The following SEZ6L variants were observed in gnomAD, a reference collection of about 807,000 sequenced individuals.
SEZ6L encodes seizure 6-like protein.
A neutral mutation model predicts 106.2 loss-of-function variants in SEZ6L; 37 were observed. The ratio of observed to expected loss-of-function variants is 0.35; its 90% confidence interval spans 0.27 to 0.46. SEZ6L has a LOEUF of 0.46. Ranked by LOEUF, SEZ6L falls within the 20% of genes least tolerant of loss-of-function variation. The pLI, the probability that SEZ6L is intolerant of heterozygous loss-of-function variation, is 1.00. For missense variants in SEZ6L, 1,172 were observed against 1,332.8 expected (o/e 0.88, Z 1.88); for synonymous variants, 541 against 570.4 (o/e 0.95, Z 0.73).
intron 10 of SEZ6L, among the ~76,000 whole-genome samples, chr22:26,342,861 C>T (rs999834475): frequency 6.6e-6 from 1 of 152,156 alleles, no homozygotes; most frequent in Non-Finnish European, 1.5e-5. Context: ...AAACAAGCTA[C>T]CCCCTTGACC....
In SEZ6L at chr22:26,292,680, G is replaced by A; in HGVS notation, c.369G>A (p.Lys123=). Residue 123 remains lysine (K), a synonymous_variant, in exon 2 of 17, where the codon AAG becomes AAA. Transcript: ENST00000248933. ...CCAAGAAGAAACTGCCTTCGCTCAA[G>A]CAGGTGAACTCTGCCAGGAAGCAGC... ...LPPKKKLPSL[K]QVNSARKQLR... The A allele has an allele frequency of 1.2e-6, 2 of 1,613,520 alleles. No homozygotes were observed. Among genetic ancestry groups the A allele is most frequent in the South Asian group, 2.2e-5 (2 of 91,048 alleles).
At chr22:26,371,516 C>T (rs1430687649) in intron 13 of SEZ6L, among the ~76,000 whole-genome samples, 3 of 151,860 alleles carry the variant, frequency 2.0e-5, no homozygotes, top group African/African-American at 7.3e-5. Context: ...ACCTGTAATC[C>T]CAGCTACTTG....
chr22:26,189,444 C>A (rs1448157194), intron 1 of SEZ6L, among the ~76,000 whole-genome samples: 3 of 152,152 alleles, frequency 2.0e-5, no homozygotes, highest in African/African-American at 7.2e-5. Flanking sequence ...GTCAATCCTC[C>A]CCTCTGTATC....
At chr22:26,337,416 G>A (rs936146086) in intron 9 of SEZ6L, among the ~76,000 whole-genome samples, 12 of 152,282 alleles carry the variant, frequency 7.9e-5, no homozygotes, top group African/African-American at 1.2e-4. Flanking sequence ...CTGTGAAGTC[G>A]GCTTAAGGAA....
rs563612999 is a variant in SEZ6L at position 26,329,466 on chromosome 22, T to G, written c.2016-10970T>G. Among the ~76,000 whole-genome samples the G allele has an allele frequency of 2.0e-5, 3 of 151,756 alleles. No homozygotes were observed. The South Asian group carries it at 6.3e-4, about 32-fold the overall frequency. The stretch of plus-strand genomic sequence containing the variant: ...CTGGATGACAGAGTGAAACACCATC[T>G]TTAAAAAAAAAGAAAAAGAAAACTC... On this transcript the variant is annotated intron_variant, in intron 9 of 16. Coordinates refer to ENST00000248933, the MANE Select transcript of SEZ6L (RefSeq NM_021115.5).
At chr22:26,243,790 A>T (rs748395904) in intron 1 of SEZ6L, among the ~76,000 whole-genome samples, 1 of 152,182 alleles carries the variant, frequency 6.6e-6, no homozygotes, top group Non-Finnish European at 1.5e-5. Flanking sequence ...CTGGTCTGGT[A>T]ATTTTATTTA....
At chr22:26,357,012 C>T (rs1351862802) in intron 12 of SEZ6L, among the ~76,000 whole-genome samples, 4 of 150,518 alleles carry the variant, frequency 2.7e-5, no homozygotes, top group Non-Finnish European at 4.4e-5. Flanking sequence ...TGTGCAGTGG[C>T]GCAATCTTAG....
chr22:26,249,834 T>C (rs2079507886), intron 1 of SEZ6L, among the ~76,000 whole-genome samples: 1 of 152,218 alleles, frequency 6.6e-6, no homozygotes, highest in African/African-American at 2.4e-5. Context: ...CTCGCCAGCA[T>C]GTTATTTTTT....
At chr22:26,271,602 T>C (rs1410636201) in intron 1 of SEZ6L, among the ~76,000 whole-genome samples, 2 of 152,196 alleles carry the variant, frequency 1.3e-5, no homozygotes, top group Non-Finnish European at 2.9e-5. Flanking sequence ...CTGTGAGATC[T>C]GGTTGTTTAC....
At chr22:26,292,149 G>GA (rs1569447430) in intron 1 of SEZ6L, 9 of 394,304 alleles carry the variant, frequency 2.3e-5, no homozygotes, top group African/African-American at 1.4e-4. Context: ...AGAAAGAAAG[G>GA]AAGGAAGGAA....
Position 26,229,472 on chromosome 22 carries a change from G to C in SEZ6L, c.94+59709G>C, listed in dbSNP as rs9620593. Among the ~76,000 whole-genome samples, 738 of 152,254 alleles carry C rather than the reference G, an allele frequency of 4.8e-3. 6 individuals carry two copies. The highest frequency in any genetic ancestry group is 0.017 in the African/African-American group (705 of 41,526). On this transcript the variant is annotated intron_variant, in intron 1 of 16. Coordinates refer to ENST00000248933, the MANE Select transcript of SEZ6L (RefSeq NM_021115.5). ...AATTAATATGCATAACAATCTCTCA[G>C]GCTGCGTATTAGAAGACTCTCAGAC...
intron 9 of SEZ6L, among the ~76,000 whole-genome samples, chr22:26,325,764 G>A (rs1001303124): frequency 1.4e-4 from 8 of 55,698 alleles, no homozygotes; most frequent in African/African-American, 5.4e-4. Flanking sequence ...CCATCTCTTC[G>A]AGTTCTGAGA....
intron 9 of SEZ6L, among the ~76,000 whole-genome samples, chr22:26,322,777 C>T (rs1601498257): frequency 6.6e-6 from 1 of 152,130 alleles, no homozygotes; most frequent in African/African-American, 2.4e-5. Flanking sequence ...CAGGCTAAAC[C>T]TTCTTCACAC....
chr22:26,264,064 A>G lies in SEZ6L; in HGVS notation c.95-28342A>G, dbSNP rs190974614. Among the ~76,000 whole-genome samples, 3 of 152,344 alleles carry G rather than the reference A, an allele frequency of 2.0e-5. No homozygotes were observed. The East Asian group carries it at 5.8e-4, about 29-fold the overall frequency. On this transcript the variant is annotated intron_variant, in intron 1 of 16. Transcript: ENST00000248933. ...TGACAGAGCATCTAAATCCTGCAAC[A>G]TGGACAGCTAAGATTATCGTTGGCC...
At chr22:26,203,118 T>A (rs373816977) in intron 1 of SEZ6L, among the ~76,000 whole-genome samples, 1 of 152,232 alleles carries the variant, frequency 6.6e-6, no homozygotes, top group East Asian at 1.9e-4. Flanking sequence ...TTGTGTTTCA[T>A]TCATGAATCA....
intron 1 of SEZ6L, among the ~76,000 whole-genome samples, chr22:26,266,765 G>C (rs1047645466): frequency 6.6e-6 from 1 of 151,918 alleles, no homozygotes; most frequent in Non-Finnish European, 1.5e-5. Flanking sequence ...GGTCAGTTCT[G>C]TTTCTATTGT....
intron 1 of SEZ6L, among the ~76,000 whole-genome samples, chr22:26,179,418 C>T (rs1939237359): frequency 1.3e-5 from 2 of 152,146 alleles, no homozygotes; most frequent in African/African-American, 4.8e-5. Context: ...AGAGACACAC[C>T]TTACCCCTTT....
At position 26,380,567 on chromosome 22, in the gene SEZ6L, G is replaced by A. The variant is rs113309050; in HGVS notation, c.*272G>A. On this transcript the variant is annotated 3_prime_UTR_variant, in exon 17 of 17. Coordinates refer to ENST00000248933, the MANE Select transcript of SEZ6L (RefSeq NM_021115.5). ...GAAGACTTGCAAAATGGCAAACCGCGGCAGCAAAAACACAAAACAGCAGAT... is the reference window on the plus strand; with the variant it reads ...GAAGACTTGCAAAATGGCAAACCGCAGCAGCAAAAACACAAAACAGCAGAT... 29 of 386,808 alleles carry A rather than the reference G, an allele frequency of 7.5e-5. No individual in the cohort carries two copies. Among genetic ancestry groups the A allele is most frequent in the Middle Eastern group, 1.4e-3 (2 of 1,404 alleles). 24.0% of individuals were successfully genotyped at this position (386,808 alleles called of 1,614,324 possible).
intron 1 of SEZ6L, among the ~76,000 whole-genome samples, chr22:26,209,643 G>A (rs1200850585): frequency 6.7e-6 from 1 of 149,578 alleles, no homozygotes; most frequent in Non-Finnish European, 1.5e-5. Context: ...AAGTAAGGTA[G>A]GAAGAAAAAA....
Sources: gnomAD v4.1 joint callset for allele counts (sites outside exome capture counted in the v4.1 genomes callset) on GRCh38, gnomAD v4.1.1 for gene constraint, MANE v1.5 for transcripts, NCBI Gene and HGNC (gene_info 2026-07-23, HGNC 2026-07-21) for gene names.